The following GALNTL6 variants were observed in gnomAD, a reference collection of about 807,000 sequenced individuals.
GALNTL6 encodes polypeptide N-acetylgalactosaminyltransferase like 6.
In GALNTL6, 46 loss-of-function variants were observed where a neutral mutation model predicts 73.7. The observed-to-expected ratio is 0.62, with a 90% CI of 0.49 to 0.80. The LOEUF (loss-of-function observed/expected upper bound fraction) is 0.80, where lower values mean the gene tolerates loss of function less well. Among genes scored for constraint, GALNTL6 ranks in the 30% least tolerant of loss-of-function variants. GALNTL6 has a pLI of 0.00. For missense variants in GALNTL6, 604 were observed against 755.0 expected (o/e 0.80, Z 2.34); for synonymous variants, 259 against 263.7 (o/e 0.98, Z 0.17).
At chr4:171,910,515 C>A (rs1042526704) in intron 2 of GALNTL6, among the ~76,000 whole-genome samples, 2 of 150,722 alleles carry the variant, frequency 1.3e-5, no homozygotes, top group African/African-American at 4.9e-5. Flanking sequence ...CATTAAAGCA[C>A]CCTATAAAAT....
In GALNTL6 at chr4:172,192,870, A is replaced by G. The variant is rs542876701; in HGVS notation, c.139-36786A>G. On this transcript the variant is annotated intron_variant, in intron 2 of 12. Transcript: ENST00000506823. ...CTGCCATTTTCCCTTGCTGGTGCCC[A>G]GGATATGCACAGTACAGTGGCTGTG... Among the ~76,000 whole-genome samples the G allele has an allele frequency of 5.9e-5, 9 of 152,314 alleles. No homozygotes were observed. In the East Asian group the frequency reaches 1.7e-3, roughly 29 times the overall value.
In GALNTL6 at chr4:173,009,213, C is replaced by T. The variant is rs759788867; in HGVS notation, c.1407C>T (p.Ser469=). 1 of 1,613,844 alleles carries T rather than the reference C, an allele frequency of 6.2e-7. No homozygotes were observed. The highest frequency in any genetic ancestry group is 2.2e-5 in the East Asian group (1 of 44,902). ...TGGCAGCAAATCTCTGTGTGGACAG[C>T]AAGCATGGAGCCACCGGAACAGAGC... The part of the protein sequence containing the change: ...RNVAANLCVD[S]KHGATGTELR... The change falls in exon 11 of 13, where the codon AGC becomes AGT. Residue 469 remains serine, a synonymous_variant. Transcript: ENST00000506823.
intron 2 of GALNTL6, among the ~76,000 whole-genome samples, chr4:171,870,677 G>A (rs752156176): frequency 1.3e-5 from 2 of 152,154 alleles, no homozygotes; most frequent in Non-Finnish European, 2.9e-5. Flanking sequence ...AATTAGTTAG[G>A]ATGAGGTCCT....
chr4:172,586,309 C>T (rs1737406041), intron 5 of GALNTL6, among the ~76,000 whole-genome samples: 1 of 152,122 alleles, frequency 6.6e-6, no homozygotes, highest in Non-Finnish European at 1.5e-5. Context: ...TTCAGGATCA[C>T]AGTTTACATG....
chr4:172,690,847 A>T (rs1733237139), intron 5 of GALNTL6, among the ~76,000 whole-genome samples: 1 of 152,184 alleles, frequency 6.6e-6, no homozygotes, highest in Admixed American at 6.5e-5. Flanking sequence ...TGAATCATTG[A>T]TGTTTATTAT....
chr4:172,035,832 C>T (rs111655810), intron 2 of GALNTL6, among the ~76,000 whole-genome samples: 48 of 152,244 alleles, frequency 3.2e-4, no homozygotes, highest in African/African-American at 1.1e-3. Flanking sequence ...AGAGAAATGA[C>T]TTCATCAGGA....
At chr4:171,891,729 T>C (rs1736769624) in intron 2 of GALNTL6, among the ~76,000 whole-genome samples, 1 of 152,244 alleles carries the variant, frequency 6.6e-6, no homozygotes, top group Admixed American at 6.5e-5. Flanking sequence ...GCTTTTATGG[T>C]ATCTGTAGGT....
chr4:172,552,846 A>AAAAAAAAC (rs1553960365), intron 5 of GALNTL6, among the ~76,000 whole-genome samples: 3 of 150,076 alleles, frequency 2.0e-5, no homozygotes, highest in East Asian at 1.9e-4. Context: ...GTAAAAAAAA[A>AAAAAAAAC]AAAAAAAAAA....
chr4:172,659,168 C>A (rs1485868575), intron 5 of GALNTL6, among the ~76,000 whole-genome samples: 1 of 152,172 alleles, frequency 6.6e-6, no homozygotes, highest in Non-Finnish European at 1.5e-5. Flanking sequence ...AGTGAAGGGT[C>A]AAGCTTTTGG....
chr4:172,768,050 A>G (rs1366081976), intron 5 of GALNTL6, among the ~76,000 whole-genome samples: 1 of 152,182 alleles, frequency 6.6e-6, no homozygotes, highest in East Asian at 1.9e-4. Flanking sequence ...ACCCGCCACC[A>G]AGGCATTTTT....
At chr4:172,215,777 C>G (rs1024769990) in intron 2 of GALNTL6, among the ~76,000 whole-genome samples, 1 of 151,980 alleles carries the variant, frequency 6.6e-6, no homozygotes, top group Non-Finnish European at 1.5e-5. Context: ...TAGTTTTTTG[C>G]TTCTTTAATC....
rs762253517 is a variant in GALNTL6 at position 172,069,377 on chromosome 4, ATGTG to A, written c.139-160273_139-160270del. On this transcript the variant is annotated intron_variant, in intron 2 of 12. Coordinates refer to ENST00000506823, the MANE Select transcript of GALNTL6 (RefSeq NM_001034845.3). ...ATAAATATATGTAGTGTGTATATAT[ATGTG>A]TGTGTACATATGTGTTATATATAAC... Among the ~76,000 whole-genome samples, 3 of 96,342 alleles carry A rather than the reference ATGTG, an allele frequency of 3.1e-5. 1 individual carries two copies. The highest frequency in any genetic ancestry group is 6.7e-5 in the Non-Finnish European group (3 of 45,102). 63.2% of individuals were successfully genotyped at this position (96,342 alleles called of 152,430 possible).
At chr4:172,296,404 G>C (rs1235459849) in intron 3 of GALNTL6, among the ~76,000 whole-genome samples, 6 of 152,090 alleles carry the variant, frequency 3.9e-5, no homozygotes, top group African/African-American at 1.4e-4. Context: ...GGGTACATGT[G>C]CACAACGTGC....
At chr4:172,231,570 C>A (rs535384912) in intron 3 of GALNTL6, among the ~76,000 whole-genome samples, 1 of 152,206 alleles carries the variant, frequency 6.6e-6, no homozygotes, top group East Asian at 1.9e-4. Flanking sequence ...AAGGACACAA[C>A]AGGAGAAAGA....
At chr4:171,840,333 G>A (rs1735206193) in intron 2 of GALNTL6, among the ~76,000 whole-genome samples, 1 of 152,158 alleles carries the variant, frequency 6.6e-6, no homozygotes, top group South Asian at 2.1e-4. Context: ...TTAGGCCTGG[G>A]CCCATAGTTG....
intron 3 of GALNTL6, among the ~76,000 whole-genome samples, chr4:172,270,171 C>CTGTGTGTGTG (rs758294136): frequency 6.7e-6 from 1 of 150,264 alleles, no homozygotes. Flanking sequence ...TCTCTGTCCA[C>CTGTGTGTGTG]TGTGTGTGTG....
intron 3 of GALNTL6, among the ~76,000 whole-genome samples, chr4:172,287,346 A>C (rs934104095): frequency 2.0e-5 from 3 of 152,150 alleles, no homozygotes; most frequent in African/African-American, 4.8e-5. Flanking sequence ...TGCTGTGTGC[A>C]TGCCCACAGT....
chr4:173,037,170 C>T (rs1753730918), intron 12 of GALNTL6, among the ~76,000 whole-genome samples: 1 of 152,224 alleles, frequency 6.6e-6, no homozygotes, highest in Non-Finnish European at 1.5e-5. Flanking sequence ...GAGCAGAGCT[C>T]TGTCTCCAAC....
chr4:172,129,890 A>T (rs1271928602), intron 2 of GALNTL6, among the ~76,000 whole-genome samples: 1 of 152,104 alleles, frequency 6.6e-6, no homozygotes, highest in Non-Finnish European at 1.5e-5. Context: ...GTCTGAGGGG[A>T]TCTCATTTTG....
Sources: allele counts gnomAD v4.1 joint callset (sites outside exome capture counted in the v4.1 genomes callset), GRCh38; gene constraint gnomAD v4.1.1; transcripts MANE v1.5; gene names NCBI Gene and HGNC (gene_info 2026-07-23, HGNC 2026-07-21).